Variants in IRAK1BP1 observed in about 807,000 individuals in gnomAD.
IRAK1BP1 encodes the protein interleukin 1 receptor associated kinase 1 binding protein 1.
In IRAK1BP1, 24 loss-of-function variants were observed where a neutral mutation model predicts 28.0. That is an observed-to-expected ratio of 0.86 (90% confidence interval 0.62 to 1.20). The LOEUF is 1.20. IRAK1BP1 is among the 50% of genes most tolerant of loss of function. The pLI, the probability that IRAK1BP1 is intolerant of heterozygous loss-of-function variation, is 0.00. For missense variants in IRAK1BP1, 336 were observed against 316.7 expected, an observed-to-expected ratio of 1.06 and a Z score of -0.46; for synonymous variants, 131 against 116.3, an observed-to-expected ratio of 1.13 and a Z score of -0.81.
the IRAK1BP1 span, chr6:78,965,882 T>C: frequency 7.0e-6 from 9 of 1,287,370 alleles, no homozygotes; most frequent in Middle Eastern, 1.8e-4. Flanking sequence ...TATCTCTTAA[T>C]AGATGGAAAA....
chr6:78,952,776 A>G, the IRAK1BP1 span, among the ~76,000 whole-genome samples: 964 of 151,960 alleles, frequency 6.3e-3, 19 homozygotes, highest in African/African-American at 0.022. Flanking sequence ...CTCTCAAATA[A>G]CATATTTTTT....
chr6:78,943,110 G>T (rs1391598262), intron 4 of IRAK1BP1, among the ~76,000 whole-genome samples: 1 of 151,884 alleles, frequency 6.6e-6, no homozygotes. Flanking sequence ...GATATAATGG[G>T]ATAAATAAAA....
chr6:78,967,277 G>A, the IRAK1BP1 span, among the ~76,000 whole-genome samples: 20 of 152,158 alleles, frequency 1.3e-4, no homozygotes, highest in Non-Finnish European at 2.4e-4. Flanking sequence ...ATGCATACTA[G>A]TGACACTTAA....
At chr6:78,891,061 C>T (rs1345432044) in intron 2 of IRAK1BP1, among the ~76,000 whole-genome samples, 1 of 152,032 alleles carries the variant, frequency 6.6e-6, no homozygotes, top group East Asian at 1.9e-4. Flanking sequence ...AGTAAAATGC[C>T]TCCAAGAAAA....
chr6:78,878,903 G>T (rs1256437310), intron 1 of IRAK1BP1, among the ~76,000 whole-genome samples: 1 of 152,110 alleles, frequency 6.6e-6, no homozygotes, highest in Non-Finnish European at 1.5e-5. Flanking sequence ...GGGTATCAGT[G>T]GTGGAAGATC....
intron 4 of IRAK1BP1, among the ~76,000 whole-genome samples, chr6:78,918,801 G>T (rs938667571): frequency 6.6e-6 from 1 of 152,130 alleles, no homozygotes; most frequent in African/African-American, 2.4e-5. Context: ...GATCATCAAG[G>T]CGGAAAACTA....
intron 2 of IRAK1BP1, among the ~76,000 whole-genome samples, chr6:78,888,390 TGATA>T (rs1345377682): frequency 3.9e-5 from 6 of 152,282 alleles, no homozygotes; most frequent in African/African-American, 1.4e-4. Flanking sequence ...ATTTTGGACG[TGATA>T]GATAGGTTTT....
intron 2 of IRAK1BP1, among the ~76,000 whole-genome samples, chr6:78,887,441 G>A (rs980588402): frequency 1.6e-4 from 24 of 152,152 alleles, no homozygotes; most frequent in African/African-American, 2.7e-4. Context: ...CGAGGTGGGC[G>A]GATCACGAGG....
chr6:78,881,956 T>A (rs1771244738), intron 1 of IRAK1BP1, among the ~76,000 whole-genome samples: 1 of 152,094 alleles, frequency 6.6e-6, no homozygotes, highest in African/African-American at 2.4e-5. Context: ...CTTTGTATAT[T>A]GTACAGGTGG....
chr6:78,926,262 G>A (rs1021136876), intron 4 of IRAK1BP1, among the ~76,000 whole-genome samples: 2 of 152,172 alleles, frequency 1.3e-5, no homozygotes, highest in Non-Finnish European at 2.9e-5. Context: ...AAGCAGTTTG[G>A]AGATTTTCCA....
In IRAK1BP1 at chr6:78,873,532, G is replaced by A. The variant is rs1268144448; in HGVS notation, c.315+5641G>A. Among the ~76,000 whole-genome samples, 3 of 151,778 alleles carry A rather than the reference G, an allele frequency of 2.0e-5. No individual in the cohort carries two copies. In the East Asian group the frequency reaches 5.8e-4, roughly 29 times the overall value. On this transcript the variant is annotated intron_variant, in intron 1 of 3. Transcript: ENST00000369940. ...TCATTCTGTTGCCCAGTATGGAGTA[G>A]GGTGATTACTATCATTGTTCACTGC...
chr6:78,965,291 C>T, the IRAK1BP1 span, among the ~76,000 whole-genome samples: 2 of 152,100 alleles, frequency 1.3e-5, no homozygotes, highest in Non-Finnish European at 2.9e-5. Flanking sequence ...CTTTATGGAA[C>T]TTGCCAAGAT....
intron 4 of IRAK1BP1, among the ~76,000 whole-genome samples, chr6:78,917,167 CAAAG>C (rs1384275132): frequency 4.0e-5 from 6 of 151,792 alleles, no homozygotes; most frequent in African/African-American, 1.5e-4. Flanking sequence ...AAAATAAACA[CAAAG>C]AATCTTCTAA....
downstream of IRAK1BP1, among the ~76,000 whole-genome samples, chr6:78,948,246 C>T (rs1217302593): frequency 6.6e-6 from 1 of 152,064 alleles, no homozygotes; most frequent in Non-Finnish European, 1.5e-5. Context: ...GTAATCTCAA[C>T]TTCAGTACTA....
chr6:78,920,286 A>G (rs998626555), intron 4 of IRAK1BP1, among the ~76,000 whole-genome samples: 3 of 152,144 alleles, frequency 2.0e-5, no homozygotes, highest in African/African-American at 7.2e-5. Flanking sequence ...GAAAAAAACT[A>G]TTCTAAACTC....
chr6:78,910,679 G>A (rs1212910749), intron 4 of IRAK1BP1, among the ~76,000 whole-genome samples: 1 of 152,216 alleles, frequency 6.6e-6, no homozygotes, highest in Non-Finnish European at 1.5e-5. Context: ...CGGATGACCC[G>A]GGCTCCCGCT....
chr6:78,867,654 C>G lies in IRAK1BP1; in HGVS notation c.78C>G (p.Asn26Lys), dbSNP rs1405658220. Residue 26 changes from asparagine to lysine, a missense_variant, in exon 1 of 4, where the codon AAC (asparagine) becomes AAG (lysine). By Grantham distance (94) the Asn-to-Lys change is moderately conservative. Coordinates refer to ENST00000369940, the MANE Select transcript of IRAK1BP1 (RefSeq NM_001010844.4). ...VPWADRSREN[N>K]LASGRETLPG... ...GGGCTGACCGGAGCCGGGAGAACAA[C>G]CTGGCCTCAGGGAGAGAGACGCTAC... 3 of 1,614,256 alleles carry G rather than the reference C, an allele frequency of 1.9e-6. No homozygotes were observed. The highest frequency in any genetic ancestry group is 2.2e-5 in the East Asian group (1 of 44,874).
chr6:78,871,567 T>TTGTTTC, intron 1 of IRAK1BP1: 1 of 980,298 alleles, frequency 1.0e-6, no homozygotes, highest in Non-Finnish European at 1.2e-6. Flanking sequence ...GACTAAATGT[T>TTGTTTC]TGTTTCCCCC....
chr6:78,898,313 GAA>G lies in IRAK1BP1; in HGVS notation c.763_764del (p.Lys255GlufsTer26). The G allele has an allele frequency of 6.4e-7, 1 of 1,571,788 alleles. No homozygotes were observed. The highest frequency in any genetic ancestry group is 2.3e-5 in the East Asian group (1 of 44,402). ...TAACTTTTGAGGTAAAGGGAAAAGA[GAA>G]GAGAAAAAAGCACCTTTGAAATTCC... The part of the protein sequence containing the change: ...FITFEVKGKE[K>X]RKKHL On this transcript the variant is annotated frameshift_variant, in exon 4 of 4. Transcript: ENST00000369940. LOFTEE classifies it high-confidence loss of function.
Sources: allele counts gnomAD v4.1 joint callset (sites outside exome capture counted in the v4.1 genomes callset), GRCh38; gene constraint gnomAD v4.1.1; transcripts MANE v1.5; gene names NCBI Gene and HGNC (gene_info 2026-07-23, HGNC 2026-07-21).